LYN: variants seen among roughly 807,000 people sequenced by gnomAD.
LYN encodes the protein LYN proto-oncogene, Src family tyrosine kinase, also known as tyrosine-protein kinase Lyn.
In LYN, 12 loss-of-function variants were observed where a neutral mutation model predicts 65.0. The ratio of observed to expected loss-of-function variants is 0.18; its 90% CI spans 0.12 to 0.30. LYN has a LOEUF of 0.30. Among genes scored for constraint, LYN ranks in the 10% least tolerant of loss-of-function variants. LYN has a pLI of 1.00. For missense variants in LYN, 380 were observed against 623.2 expected (o/e 0.61, Z 4.16); for synonymous variants, 222 against 221.2 (o/e 1.00, Z -0.03).
In LYN at chr8:55,946,471, T is replaced by A. The variant is rs769952180; in HGVS notation, c.156T>A (p.Pro52=). The part of the protein sequence containing the change: ...QRPVPESQLL[P]GQRFQTKDPE... ...AGGTTCCAGAATCTCAGCTTTTACC[T>A]GGACAGAGGTTTCAAACTAAAGGTA... Residue 52 remains proline, a synonymous_variant, in exon 3 of 13, where the codon CCT becomes CCA. Coordinates refer to ENST00000519728, the MANE Select transcript of LYN (RefSeq NM_002350.4). 2 of 1,610,620 alleles carry A rather than the reference T, an allele frequency of 1.2e-6. No individual in the cohort carries two copies. Among genetic ancestry groups the A allele is most frequent in the Non-Finnish European group, 1.7e-6 (2 of 1,177,748 alleles).
intron 12 of LYN, among the ~76,000 whole-genome samples, chr8:56,000,727 CAAAAAAAAA>C (rs1043054300): frequency 3.0e-4 from 14 of 46,856 alleles, no homozygotes; most frequent in African/African-American, 7.7e-4. Flanking sequence ...GACTCTGTCT[CAAAAAAAAA>C]AAAAAAAAAA....
At chr8:55,994,131 C>T (rs1808314190) in intron 10 of LYN, among the ~76,000 whole-genome samples, 2 of 151,982 alleles carry the variant, frequency 1.3e-5, no homozygotes, top group South Asian at 2.1e-4. Context: ...TCAACAACAA[C>T]AAATTAAGGT....
chr8:55,966,384 T>C (rs2667989), intron 8 of LYN, among the ~76,000 whole-genome samples: 31,189 of 146,888 alleles, frequency 0.21, 3,476 homozygotes, highest in Middle Eastern at 0.28. Flanking sequence ...TTTTTTTTAA[T>C]TGAGACGGAG....
chr8:56,005,955 C>T (rs568988333), intron 12 of LYN, among the ~76,000 whole-genome samples: 58 of 152,022 alleles, frequency 3.8e-4, no homozygotes, highest in African/African-American at 1.3e-3. Context: ...TATGGTGGTA[C>T]GCACCTGTAG....
intron 12 of LYN, among the ~76,000 whole-genome samples, chr8:56,000,410 C>G (rs1732437058): frequency 6.6e-6 from 1 of 151,860 alleles, no homozygotes. Context: ...TCCATTTTTC[C>G]ATGGTCTGTG....
At chr8:55,891,329 GCAACAAGAGCGAAACTCCGGCT>G (rs1804957162) in intron 1 of LYN, among the ~76,000 whole-genome samples, 1 of 149,942 alleles carries the variant, frequency 6.7e-6, no homozygotes, top group Admixed American at 6.7e-5. Flanking sequence ...TCCAGCCAGG[GCAACAAGAGCGAAACTCCGGCT>G]CAAAAAAAAA....
At chr8:55,955,156 C>T (rs545793463) in intron 8 of LYN, 1 of 152,368 alleles carries the variant, frequency 6.6e-6, no homozygotes, top group South Asian at 2.1e-4. Flanking sequence ...CCTCTGCATC[C>T]AGGTTTTCCC....
chr8:55,964,166 A>G (rs971919853), intron 8 of LYN, among the ~76,000 whole-genome samples: 16 of 151,928 alleles, frequency 1.1e-4, no homozygotes, highest in Admixed American at 2.0e-4. Context: ...TGTCAGCTTT[A>G]TGTTACTATC....
At chr8:55,972,808 T>G (rs1807646507) in intron 10 of LYN, among the ~76,000 whole-genome samples, 1 of 152,166 alleles carries the variant, frequency 6.6e-6, no homozygotes, top group Non-Finnish European at 1.5e-5. Flanking sequence ...TTCCCCCCAC[T>G]TTACTATTTA....
chr8:55,931,387 AAG>A (rs1563515974), intron 1 of LYN, among the ~76,000 whole-genome samples: 2 of 150,580 alleles, frequency 1.3e-5, no homozygotes, highest in African/African-American at 4.8e-5. Context: ...ATTTTAGACT[AAG>A]GGGAACTGAG....
intron 12 of LYN, among the ~76,000 whole-genome samples, chr8:56,007,691 A>G (rs907569383): frequency 1.3e-5 from 2 of 152,260 alleles, no homozygotes; most frequent in Non-Finnish European, 1.5e-5. Context: ...TTTATTGGCC[A>G]TAAGCCATTG....
At chr8:55,909,185 G>C (rs1181241924) in intron 1 of LYN, among the ~76,000 whole-genome samples, 2 of 151,938 alleles carry the variant, frequency 1.3e-5, no homozygotes, top group Non-Finnish European at 2.9e-5. Context: ...GGTGGGTCTA[G>C]GACCCAGAAT....
chr8:55,929,792 G>A (rs973125284), intron 1 of LYN, among the ~76,000 whole-genome samples: 1 of 152,180 alleles, frequency 6.6e-6, no homozygotes, highest in Non-Finnish European at 1.5e-5. Context: ...GTAGTGCTGA[G>A]GTTGACAAAC....
Position 55,998,473 on chromosome 8 carries a change from A to C in LYN, c.1178A>C (p.Glu393Ala). The C allele has an allele frequency of 6.8e-6, 11 of 1,613,932 alleles. No individual in the cohort carries two copies. The highest frequency in any genetic ancestry group is 9.3e-6 in the Non-Finnish European group (11 of 1,179,790). Residue 393 changes from glutamate (E) to alanine (A), a missense_variant, in exon 11 of 13, where the codon GAA becomes GCA. By Grantham distance (107) the Glu-to-Ala change is moderately radical. Coordinates refer to ENST00000519728, the MANE Select transcript of LYN (RefSeq NM_002350.4). ...GATTTTGGCCTTGCTAGAGTAATTG[A>C]AGATAATGAGTACACAGCAAGGGAA... is the stretch of plus-strand genomic sequence containing the variant. ...IADFGLARVI[E>A]DNEYTAREGA... is the part of the protein sequence containing the mutation.
At chr8:55,986,400 C>T (rs1174271413) in intron 10 of LYN, among the ~76,000 whole-genome samples, 7 of 152,132 alleles carry the variant, frequency 4.6e-5, no homozygotes, top group Admixed American at 3.9e-4. Flanking sequence ...TTTGAAATAT[C>T]TATCCCAAAG....
At chr8:55,990,898 C>A (rs1808227751) in intron 10 of LYN, among the ~76,000 whole-genome samples, 1 of 152,118 alleles carries the variant, frequency 6.6e-6, no homozygotes, top group Admixed American at 6.5e-5. Context: ...AAACCTCATA[C>A]CCTGGGGAAA....
At chr8:55,891,407 G>A (rs1219569102) in intron 1 of LYN, among the ~76,000 whole-genome samples, 2 of 151,776 alleles carry the variant, frequency 1.3e-5, no homozygotes, top group Non-Finnish European at 1.5e-5. Flanking sequence ...AAAACTTGAG[G>A]ACATCATGCT....
At position 55,985,542 on chromosome 8, in the gene LYN, C is replaced by T. The variant is rs150379630; in HGVS notation, c.1051-12804C>T. Among the ~76,000 whole-genome samples the T allele has an allele frequency of 2.8e-3, 425 of 152,334 alleles. 4 individuals carry two copies. The highest frequency in any genetic ancestry group is 8.7e-3 in the African/African-American group (362 of 41,576). ...GGACAAATAAGTCAGGGATTGTTTTCGGAGCCCAGGCGCTGTCTTTATACA... is the reference window on the plus strand; with the variant it reads ...GGACAAATAAGTCAGGGATTGTTTTTGGAGCCCAGGCGCTGTCTTTATACA... On this transcript the variant is annotated intron_variant, in intron 10 of 12. Transcript: ENST00000519728.
intron 1 of LYN, among the ~76,000 whole-genome samples, chr8:55,896,931 G>C (rs1053903336): frequency 6.6e-6 from 1 of 152,144 alleles, no homozygotes; most frequent in Non-Finnish European, 1.5e-5. Context: ...GTAGAGACGG[G>C]GTTTTGCCAT....
Sources: gnomAD v4.1 joint callset for allele counts (sites outside exome capture counted in the v4.1 genomes callset) on GRCh38, gnomAD v4.1.1 for gene constraint, MANE v1.5 for transcripts, NCBI Gene and HGNC (gene_info 2026-07-23, HGNC 2026-07-21) for gene names.